The following COL14A1 variants were observed in gnomAD, a reference collection of about 807,000 sequenced individuals.
COL14A1 encodes the protein collagen type XIV alpha 1 chain.
COL14A1 carries 136 observed loss-of-function variants against 230.3 expected under a neutral mutation model. That is an observed-to-expected ratio of 0.59 (90% CI 0.51 to 0.68). The LOEUF is 0.68. COL14A1 is among the 30% of genes least tolerant of loss of function. The pLI, the probability that COL14A1 is intolerant of heterozygous loss-of-function variation, is 0.00. For synonymous variants in COL14A1, 792 were observed against 784.1 expected, an observed-to-expected ratio of 1.01 and a Z score of -0.17; for missense variants, 1,976 against 2,215.8, an observed-to-expected ratio of 0.89 and a Z score of 2.17.
chr8:120,135,927 A>C (rs1586706725), intron 1 of COL14A1, among the ~76,000 whole-genome samples: 2 of 152,218 alleles, frequency 1.3e-5, no homozygotes, highest in East Asian at 3.9e-4. Context: ...ATTATATAAG[A>C]ATACAATTGA....
intron 42 of COL14A1, among the ~76,000 whole-genome samples, chr8:120,340,689 A>G (rs1470841795): frequency 6.6e-6 from 1 of 152,198 alleles, no homozygotes; most frequent in Admixed American, 6.5e-5. Flanking sequence ...TAATAACGGC[A>G]AGGTTTCTTA....
At chr8:120,310,745 G>T (rs1381682150) in intron 37 of COL14A1, among the ~76,000 whole-genome samples, 1 of 152,214 alleles carries the variant, frequency 6.6e-6, no homozygotes, top group Non-Finnish European at 1.5e-5. Flanking sequence ...CATTTCGATT[G>T]ATTCTTCACA....
At chr8:120,299,455 A>G (rs1820643822) in intron 35 of COL14A1, among the ~76,000 whole-genome samples, 1 of 152,104 alleles carries the variant, frequency 6.6e-6, no homozygotes, top group African/African-American at 2.4e-5. Context: ...CCTCTGTTGT[A>G]TCAAGCAAAG....
chr8:120,231,554 T>C lies in COL14A1; in HGVS notation c.2285T>C (p.Val762Ala). 1.2e-6 allele frequency: 2 copies of C among 1,614,092 alleles called. No homozygotes were observed. The highest frequency in any genetic ancestry group is 1.7e-6 in the Non-Finnish European group (2 of 1,180,000). Reference protein sequence around the residue: ...RVKWDISDSDVQQFRVTYMTA... With the variant: ...RVKWDISDSDAQQFRVTYMTA... ...AAATGGGACATTTCTGACAGCGATG[T>C]GCAGCAGTTTAGGGTGACCTACATG... The change falls in exon 19 of 48, where the codon GTG (valine) becomes GCG (alanine). Residue 762 changes from valine (V) to alanine (A), a missense_variant. Coordinates refer to ENST00000297848, the MANE Select transcript of COL14A1 (RefSeq NM_021110.4).
chr8:120,127,107 G>A (rs574354452), intron 1 of COL14A1, among the ~76,000 whole-genome samples: 135 of 152,176 alleles, frequency 8.9e-4, no homozygotes, highest in African/African-American at 3.1e-3. Context: ...CTAACCTGCC[G>A]CCGTGTCTGT....
intron 1 of COL14A1, among the ~76,000 whole-genome samples, chr8:120,128,226 CGCGT>C (rs1241633770): frequency 0.011 from 1,122 of 100,514 alleles, 13 homozygotes; most frequent in African/African-American, 0.042. Context: ...TGTGTGCGCG[CGCGT>C]GTGTGTGTGT....
At chr8:120,221,209 G>C (rs988613384) in intron 14 of COL14A1, among the ~76,000 whole-genome samples, 1 of 152,176 alleles carries the variant, frequency 6.6e-6, no homozygotes, top group Non-Finnish European at 1.5e-5. Context: ...CAAATCCCTT[G>C]TTCCTCATCA....
Position 120,280,724 on chromosome 8 carries a change from A to G in COL14A1, c.3660A>G (p.Val1220=). 1.2e-6 allele frequency: 2 copies of G among 1,613,482 alleles called. No individual in the cohort carries two copies. Among genetic ancestry groups the G allele is most frequent in the Non-Finnish European group, 1.7e-6 (2 of 1,179,778 alleles). The change falls in exon 30 of 48, where the codon GTA becomes GTG. Residue 1220 remains valine, a synonymous_variant. Transcript: ENST00000297848. ...TTGGTTTTCCAGCCTGTCCAGTGGT[A>G]CACAAGGATGGCATTGATCTTGCAG... is the stretch of plus-strand genomic sequence containing the variant. ...CETASATCPV[V]HKDGIDLAGF...
At chr8:120,315,862 C>A (rs150928910) in intron 39 of COL14A1, 82 bp from the exon 40 acceptor site, 1 of 1,395,930 alleles carries the variant, frequency 7.2e-7, no homozygotes, top group Non-Finnish European at 1.0e-6. Context: ...TGTTTGGAGG[C>A]CTTCATCTAT....
intron 19 of COL14A1, 93 bp downstream of exon 19, chr8:120,231,711 C>G (rs1411345537): frequency 6.2e-6 from 8 of 1,297,450 alleles, no homozygotes; most frequent in Non-Finnish European, 8.4e-6. Context: ...CTTTACTGCT[C>G]TTTTCTCAGT....
chr8:120,295,691 G>T (rs1820505212), intron 34 of COL14A1, among the ~76,000 whole-genome samples: 2 of 151,674 alleles, frequency 1.3e-5, no homozygotes, highest in African/African-American at 4.8e-5. Context: ...TCAATTATGA[G>T]AAAGCTAATA....
intron 4 of COL14A1, among the ~76,000 whole-genome samples, chr8:120,164,268 G>A (rs971644453): frequency 2.6e-5 from 4 of 152,062 alleles, no homozygotes; most frequent in African/African-American, 9.7e-5. Flanking sequence ...GGAAATCACA[G>A]ACATCATTTC....
intron 35 of COL14A1, 78 bp from the exon 36 acceptor site, chr8:120,300,654 A>T (rs1165508828): frequency 9.6e-7 from 1 of 1,042,162 alleles, no homozygotes; most frequent in East Asian, 2.4e-5. Flanking sequence ...TCTTAAATCA[A>T]ACTGTTTTCT....
intron 4 of COL14A1, among the ~76,000 whole-genome samples, chr8:120,167,840 T>C (rs1056557676): frequency 6.6e-6 from 1 of 152,218 alleles, no homozygotes; most frequent in Non-Finnish European, 1.5e-5. Flanking sequence ...GTTAGCTTTC[T>C]GGTTCTTCAT....
intron 1 of COL14A1, among the ~76,000 whole-genome samples, chr8:120,137,506 G>A (rs1017093304): frequency 1.3e-5 from 2 of 151,820 alleles, no homozygotes; most frequent in Non-Finnish European, 1.5e-5. Flanking sequence ...TTTGGATTCA[G>A]TTTGCTCTTC....
chr8:120,202,989 AATATAT>A (rs201356550), intron 8 of COL14A1, among the ~76,000 whole-genome samples: 118 of 106,552 alleles, frequency 1.1e-3, no homozygotes, highest in African/African-American at 1.7e-3. Context: ...AATAATTTCA[AATATAT>A]ATATATATAT....
Position 120,227,172 on chromosome 8 carries a change from C to CT in COL14A1, c.2005-40dup, listed in dbSNP as rs747881677. The CT allele has an allele frequency of 3.7e-5, 59 of 1,591,810 alleles. 1 individual carries two copies. The Admixed American group carries it at 5.2e-4, about 14-fold the overall frequency. Reference sequence around the variant, plus strand: ...TGCTCAGAATAACACTTTTTCTTTACTTTTTTTTCAAATAAGCATAGTTAC... The same window carrying CT: ...TGCTCAGAATAACACTTTTTCTTTACTTTTTTTTTCAAATAAGCATAGTTAC... On this transcript the variant is annotated intron_variant, in intron 16 of 47. Transcript: ENST00000297848.
At chr8:120,369,109 G>C (rs1190858892) in intron 46 of COL14A1, among the ~76,000 whole-genome samples, 4 of 152,200 alleles carry the variant, frequency 2.6e-5, no homozygotes, top group Non-Finnish European at 5.9e-5. Context: ...CCAGTTTCCT[G>C]AGCTGATTGA....
rs78388559 is a variant in COL14A1, at chr8:120,333,516, G to A, written c.4785+781G>A. 4.8e-3 allele frequency among the ~76,000 whole-genome samples: 737 copies of A among 152,320 alleles called. 7 individuals are homozygous for A. The highest frequency in any genetic ancestry group is 0.016 in the African/African-American group (652 of 41,564). ...GAAACATTGAAAAATGCAAAGATGT[G>A]TACAACTGCAAACACACTAAGAATG... On this transcript the variant is annotated intron_variant, in intron 42 of 47. Transcript: ENST00000297848.
Sources: gnomAD v4.1 joint callset for allele counts (sites outside exome capture counted in the v4.1 genomes callset) on GRCh38, gnomAD v4.1.1 for gene constraint, MANE v1.5 for transcripts, NCBI Gene and HGNC (gene_info 2026-07-23, HGNC 2026-07-21) for gene names.